Variants in ATP8B1 observed in about 807,000 individuals in gnomAD.
ATP8B1 encodes phospholipid-transporting ATPase IC.
A neutral mutation model predicts 149.9 loss-of-function variants in ATP8B1; 80 were observed. The ratio of observed to expected loss-of-function variants is 0.53; its 90% confidence interval spans 0.45 to 0.64. The LOEUF is 0.64. Ranked by LOEUF, ATP8B1 falls within the 30% of genes least tolerant of loss-of-function variation. The probability of loss-of-function intolerance (pLI) is 0.00; values close to 1 mark genes in which losing one functional copy is unlikely to be tolerated. For synonymous variants in ATP8B1, 536 were observed against 562.8 expected (o/e 0.95, Z 0.67); for missense variants, 1,247 against 1,552.6 (o/e 0.80, Z 3.31).
intron 1 of ATP8B1, among the ~76,000 whole-genome samples, chr18:57,756,254 T>C (rs12604651): frequency 0.27 from 10,887 of 40,004 alleles, 809 homozygotes; most frequent in Non-Finnish European, 0.33. Flanking sequence ...CACACACACA[T>C]ATATATATAT....
chr18:57,764,022 C>A (rs556154433), intron 1 of ATP8B1, among the ~76,000 whole-genome samples: 9 of 152,198 alleles, frequency 5.9e-5, no homozygotes, highest in African/African-American at 1.2e-4. Flanking sequence ...TGTGCACTGC[C>A]GAAGGCCATC....
intron 15 of ATP8B1, among the ~76,000 whole-genome samples, chr18:57,677,804 C>A (rs1411710118): frequency 6.6e-6 from 1 of 152,128 alleles, no homozygotes; most frequent in Non-Finnish European, 1.5e-5. Context: ...CCTTCGGCAA[C>A]TTAAGTTGGC....
At chr18:57,731,857 T>G in intron 1 of ATP8B1, 25 bp from the exon 2 acceptor site, 10 of 1,610,564 alleles carry the variant, frequency 6.2e-6, no homozygotes, top group Non-Finnish European at 8.5e-6. Flanking sequence ...GAAACCAGAG[T>G]GAATTATGAC....
chr18:57,756,204 T>TACAC (rs1422277051), intron 1 of ATP8B1, among the ~76,000 whole-genome samples: 15 of 84,444 alleles, frequency 1.8e-4, no homozygotes, highest in African/African-American at 7.0e-4. Flanking sequence ...TATATATATA[T>TACAC]ATATATACAC....
chr18:57,659,335 AAAAC>A (rs778293442), intron 22 of ATP8B1, among the ~76,000 whole-genome samples: 2 of 152,148 alleles, frequency 1.3e-5, no homozygotes, highest in Non-Finnish European at 2.9e-5. Context: ...CAACTTAAGA[AAAAC>A]AAGCCCCTCT....
intron 2 of ATP8B1, among the ~76,000 whole-genome samples, chr18:57,724,110 T>G (rs1321704725): frequency 6.6e-6 from 1 of 151,552 alleles, no homozygotes; most frequent in African/African-American, 2.4e-5. Context: ...CAAGATGGAT[T>G]AAAGATTTAA....
chr18:57,753,832 G>A (rs1205031446), intron 1 of ATP8B1, among the ~76,000 whole-genome samples: 1 of 151,088 alleles, frequency 6.6e-6, no homozygotes, highest in Non-Finnish European at 1.5e-5. Context: ...GGAGGCTGAG[G>A]CAGGAGAATT....
intron 16 of ATP8B1, among the ~76,000 whole-genome samples, 181 bp downstream of exon 16, chr18:57,674,653 T>C (rs1911483348): frequency 6.6e-6 from 1 of 152,168 alleles, no homozygotes; most frequent in African/African-American, 2.4e-5. Context: ...CCCAAAGTGC[T>C]GGGATTACAG....
chr18:57,715,718 A>G (rs927848661), intron 2 of ATP8B1, among the ~76,000 whole-genome samples: 2 of 152,220 alleles, frequency 1.3e-5, no homozygotes, highest in Non-Finnish European at 2.9e-5. Flanking sequence ...GTGGCATGAC[A>G]TATTTAAAGT....
In ATP8B1 at chr18:57,662,527, GA is replaced by G. The variant is rs1568184131; in HGVS notation, c.2373del (p.Pro792HisfsTer8). On this transcript the variant is annotated frameshift_variant, in exon 21 of 28. Coordinates refer to ENST00000648908, the MANE Select transcript of ATP8B1 (RefSeq NM_001374385.1). LOFTEE classifies it high-confidence loss of function. Reference sequence around the variant, plus strand: ...ATTAAGGCACGGTTTCCACCGGGTGGAAAAAAAGATTCCTGCACAGGAGGTG... The same window carrying G: ...ATTAAGGCACGGTTTCCACCGGGTGGAAAAAAGATTCCTGCACAGGAGGTG... Reference protein sequence around the residue: ...KFAPPVQESFFPPGGNRALII... With the variant: ...KFAPPVQESFXPPGGNRALII... The G allele has an allele frequency of 6.2e-7, 1 of 1,614,036 alleles. No individual in the cohort carries two copies.
rs771627087 is a variant in ATP8B1, at chr18:57,706,663, A to T, written c.182-76T>A. The stretch of plus-strand genomic sequence containing the variant: ...ATGAGTTGAATTGTGTCTTCCCCAG[A>T]TTCAAATGTTGAAGTCCTAAACCTC... On this transcript the variant is annotated intron_variant, in intron 2 of 27. Coordinates refer to ENST00000648908, the MANE Select transcript of ATP8B1 (RefSeq NM_001374385.1). 1.2e-5 allele frequency: 15 copies of T among 1,221,816 alleles called. No individual in the cohort carries two copies. The Admixed American group carries it at 2.5e-4, about 21-fold the overall frequency. The allele number at this position is 1,221,816 out of a possible 1,614,324, so 75.7% of individuals were successfully genotyped here. A position where few individuals can be genotyped will look rare whatever the true frequency, so the allele number is the denominator to read the frequency against.
rs2080596849 is a variant in ATP8B1, at chr18:57,802,952, G to A, written c.-26+46C>T. The A allele has an allele frequency of 6.6e-6, 1 of 152,172 alleles. No homozygotes were observed. The highest frequency in any genetic ancestry group is 1.5e-5 in the Non-Finnish European group (1 of 68,064). The allele number at this position is 152,172 out of a possible 1,614,324, so 9.4% of individuals were successfully genotyped here. A position where few individuals can be genotyped will look rare whatever the true frequency, so the allele number is the denominator to read the frequency against. ...ACCTGCAGGACACCGCCGGGCCAAGGGGCTTGGGAAGGTCTGGGGGCCCCC... is the reference window on the plus strand; with the variant it reads ...ACCTGCAGGACACCGCCGGGCCAAGAGGCTTGGGAAGGTCTGGGGGCCCCC... On this transcript the variant is annotated intron_variant, in intron 1 of 27. Coordinates refer to ENST00000648908, the MANE Select transcript of ATP8B1 (RefSeq NM_001374385.1). This position sits in a 1 kb window ranked among gnomAD's most constrained non-coding sequence, Gnocchi z 4.9.
intron 1 of ATP8B1, among the ~76,000 whole-genome samples, chr18:57,797,907 A>T (rs2080532013): frequency 6.6e-6 from 1 of 151,820 alleles, no homozygotes; most frequent in Non-Finnish European, 1.5e-5. Flanking sequence ...AGGTTTCACT[A>T]TGTGGGCAGG....
Position 57,697,870 on chromosome 18 carries a change from A to G in ATP8B1, c.555-3T>C, listed in dbSNP as rs367948617. 2.4e-4 allele frequency: 387 copies of G among 1,607,076 alleles called. No homozygotes were observed. Among genetic ancestry groups the G allele is most frequent in the Non-Finnish European group, 2.7e-4 (318 of 1,173,838 alleles). ...CTTTCCACTTAGCAACTTTGAACCT[A>G]AGGATTAAAAATAATGAGGATTTAT... On this transcript the variant is annotated splice_region_variant and splice_polypyrimidine_tract_variant and intron_variant, in intron 6 of 27. Transcript: ENST00000648908.
chr18:57,712,972 C>T (rs1913757523), intron 2 of ATP8B1, among the ~76,000 whole-genome samples: 1 of 151,786 alleles, frequency 6.6e-6, no homozygotes, highest in Non-Finnish European at 1.5e-5. Context: ...GCCCTTGAGC[C>T]CTGAATAAAC....
intron 27 of ATP8B1, 48 bp downstream of exon 27, chr18:57,650,319 T>C: frequency 1.9e-6 from 3 of 1,602,044 alleles, no homozygotes; most frequent in Non-Finnish European, 2.6e-6. Flanking sequence ...GGGAAACGCT[T>C]TGGTTTCTGT....
In ATP8B1 at chr18:57,701,120, AAAT is replaced by A; in HGVS notation, c.493-23_493-21del. ...GCGAGCCTTGAGAAGGAAGATGGGG[AAAT>A]GCTGTTTTAAACATCTCAATAGAGA... On this transcript the variant is annotated intron_variant, in intron 5 of 27. Transcript: ENST00000648908. 1.9e-6 allele frequency: 3 copies of A among 1,613,856 alleles called. No individual in the cohort carries two copies. Among genetic ancestry groups the A allele is most frequent in the Non-Finnish European group, 2.5e-6 (3 of 1,179,764 alleles).
At position 57,726,869 on chromosome 18, in the gene ATP8B1, C is replaced by G. The variant is rs571965446; in HGVS notation, c.181+4758G>C. On this transcript the variant is annotated intron_variant, in intron 2 of 27. Transcript: ENST00000648908. ...CCAGGGTGGGCGAATCACCTTAGGT[C>G]AGGAGTTCAAGACAAGCCTGGCCAA... Among the ~76,000 whole-genome samples the G allele has an allele frequency of 9.9e-5, 15 of 152,278 alleles. 1 individual carries two copies. In the South Asian group the frequency reaches 3.1e-3, roughly 32 times the overall value.
rs771155047 is a variant in ATP8B1, at chr18:57,650,417, C to T, written c.3481G>A (p.Val1161Ile). The T allele has an allele frequency of 1.1e-5, 17 of 1,613,752 alleles. No homozygotes were observed. The highest frequency in any genetic ancestry group is 1.6e-4 in the Middle Eastern group (1 of 6,082). The change falls in exon 27 of 28, where the codon GTT (valine) becomes ATT (isoleucine). Residue 1161 changes from valine to isoleucine, a missense_variant. Around this residue, in one of 3 missense-constraint regions of ATP8B1, gnomAD observed 164 missense variants for 160.3 expected, o/e 1.02. Transcript: ENST00000648908. ...GTCATTGACAGGAATCGAATGGCAA[C>T]GACGGGTAGTAAGCACACAGCAACA... Reference protein sequence around the residue: ...LAVAVCLLPVVAIRFLSMTIW... With the variant: ...LAVAVCLLPVIAIRFLSMTIW...
Sources: gnomAD v4.1 joint callset for allele counts (sites outside exome capture counted in the v4.1 genomes callset) on GRCh38, gnomAD v4.1.1 for gene constraint, gnomAD v4.1.1 regional missense constraint, Gnocchi (gnomAD v3.1) non-coding constraint, MANE v1.5 for transcripts, NCBI Gene and HGNC (gene_info 2026-07-23, HGNC 2026-07-21) for gene names.